DCLK1: variants seen among roughly 807,000 people sequenced by gnomAD.
The protein encoded by DCLK1 is doublecortin like kinase 1.
In DCLK1, 16 loss-of-function variants were observed where a neutral mutation model predicts 86.2. That is an observed-to-expected ratio of 0.19 (90% CI 0.13 to 0.28). DCLK1 has a LOEUF of 0.28. Among genes scored for constraint, DCLK1 ranks in the 10% least tolerant of loss-of-function variants. DCLK1 has a pLI of 1.00. For missense variants in DCLK1, 590 were observed against 940.2 expected (o/e 0.63, Z 4.87); for synonymous variants, 369 against 370.5 (o/e 1.00, Z 0.05).
intron 1 of DCLK1, among the ~76,000 whole-genome samples, chr13:36,130,712 G>A (rs1349728655): frequency 6.6e-6 from 1 of 151,854 alleles, no homozygotes; most frequent in Non-Finnish European, 1.5e-5. Context: ...ACAATAAGAG[G>A]CCGGGCCCGG....
At chr13:36,073,374 ATC>A (rs1884050535) in intron 3 of DCLK1, among the ~76,000 whole-genome samples, 1 of 152,180 alleles carries the variant, frequency 6.6e-6, no homozygotes, top group Admixed American at 6.5e-5. Context: ...CACATAGGCT[ATC>A]TCACTCCCAT....
intron 2 of DCLK1, among the ~76,000 whole-genome samples, chr13:36,125,289 G>T (rs1279614971): frequency 6.6e-6 from 1 of 152,118 alleles, no homozygotes; most frequent in East Asian, 1.9e-4. Context: ...CATGTCATTT[G>T]AATTTTCTGG....
chr13:35,822,774 A>G lies in DCLK1; in HGVS notation c.1509T>C (p.His503=). 1 of 1,613,998 alleles carries G rather than the reference A, an allele frequency of 6.2e-7. No individual in the cohort carries two copies. Among genetic ancestry groups the G allele is most frequent in the Non-Finnish European group, 8.5e-7 (1 of 1,179,978 alleles). Residue 503 remains histidine (H), a synonymous_variant, in exon 11 of 17, where the codon CAT becomes CAC. Transcript: ENST00000360631. ...TATCACGGTGGACGATGTTCAGGCT[A>G]TGCAGGTATTTGATGGCGCTGGCTA... ...YNLASAIKYL[H]SLNIVHRDIK...
chr13:35,822,668 A>T, intron 11 of DCLK1, 61 bp downstream of exon 11: 805 of 1,182,602 alleles, frequency 6.8e-4, no homozygotes, highest in Non-Finnish European at 9.4e-4. Context: ...AAAAAGAAAT[A>T]TTCATATTCC....
intron 3 of DCLK1, among the ~76,000 whole-genome samples, chr13:36,060,627 C>T (rs537348723): frequency 6.6e-6 from 1 of 152,208 alleles, no homozygotes; most frequent in South Asian, 2.1e-4. Context: ...TCAGTATGCA[C>T]TCTGCAAGTG....
intron 4 of DCLK1, among the ~76,000 whole-genome samples, chr13:35,880,281 G>A (rs1485474476): frequency 6.6e-6 from 1 of 152,200 alleles, no homozygotes; most frequent in Non-Finnish European, 1.5e-5. Flanking sequence ...AGAGTCTGGA[G>A]GATAAAGAAT....
chr13:36,115,318 GAATTT>G (rs1427629172), intron 2 of DCLK1, among the ~76,000 whole-genome samples: 1 of 126,214 alleles, frequency 7.9e-6, no homozygotes, highest in Non-Finnish European at 1.6e-5. Flanking sequence ...AAATAAAAGT[GAATTT>G]ATCTTAAACA....
At chr13:35,951,307 ATGG>A (rs2153134309) in intron 3 of DCLK1, among the ~76,000 whole-genome samples, 1 of 151,468 alleles carries the variant, frequency 6.6e-6, no homozygotes, top group Admixed American at 6.6e-5. Context: ...GGATGGATGG[ATGG>A]ATGGATGATA....
chr13:35,874,759 G>C (rs1298040275), intron 4 of DCLK1, among the ~76,000 whole-genome samples: 1 of 152,222 alleles, frequency 6.6e-6, no homozygotes, highest in Admixed American at 6.5e-5. Context: ...CAAGGTGTCC[G>C]TGGAGATTTT....
intron 5 of DCLK1, among the ~76,000 whole-genome samples, chr13:35,861,177 T>C (rs910779764): frequency 2.6e-5 from 4 of 152,036 alleles, no homozygotes; most frequent in Non-Finnish European, 4.4e-5. Context: ...ATAGGGAGAA[T>C]GGTGACCCAC....
intron 2 of DCLK1, among the ~76,000 whole-genome samples, chr13:36,118,461 A>C (rs1414774907): frequency 6.6e-6 from 1 of 152,144 alleles, no homozygotes; most frequent in Non-Finnish European, 1.5e-5. Flanking sequence ...CTTTGGGCCT[A>C]CTTCCCATAC....
chr13:35,958,192 CCACCACCACCATTATAACCAT>C (rs1210291023), intron 3 of DCLK1, among the ~76,000 whole-genome samples: 1 of 151,312 alleles, frequency 6.6e-6, no homozygotes, highest in African/African-American at 2.4e-5. Context: ...ACCACCACTA[CCACCACCACCATTATAACCAT>C]CACCACCACC....
chr13:35,984,771 C>T (rs1044106449), intron 3 of DCLK1, among the ~76,000 whole-genome samples: 1 of 152,130 alleles, frequency 6.6e-6, no homozygotes, highest in Non-Finnish European at 1.5e-5. Context: ...GGTATCACCT[C>T]TCTTCACTAC....
chr13:36,011,831 A>G (rs1881285759), intron 3 of DCLK1, among the ~76,000 whole-genome samples: 1 of 149,462 alleles, frequency 6.7e-6, no homozygotes, highest in South Asian at 2.1e-4. Context: ...GTGGGGTGTT[A>G]AAGTCTCCCA....
intron 3 of DCLK1, among the ~76,000 whole-genome samples, chr13:36,063,666 G>A (rs576734362): frequency 1.3e-5 from 2 of 152,196 alleles, no homozygotes; most frequent in Non-Finnish European, 2.9e-5. Context: ...CAGAATAGGA[G>A]AATTTGTTTC....
chr13:35,973,044 G>A (rs1879146964), intron 3 of DCLK1, among the ~76,000 whole-genome samples: 1 of 152,168 alleles, frequency 6.6e-6, no homozygotes, highest in Non-Finnish European at 1.5e-5. Flanking sequence ...GGGGCCCACA[G>A]CAGAGGAGCT....
chr13:36,059,946 AC>A (rs1408016795), intron 3 of DCLK1, among the ~76,000 whole-genome samples: 1 of 149,010 alleles, frequency 6.7e-6, no homozygotes, highest in Non-Finnish European at 1.5e-5. Flanking sequence ...ATCTCAGCTC[AC>A]TGCAACCTCC....
intron 4 of DCLK1, among the ~76,000 whole-genome samples, chr13:35,888,277 A>G (rs1405008436): frequency 6.6e-6 from 1 of 152,206 alleles, no homozygotes; most frequent in Non-Finnish European, 1.5e-5. Flanking sequence ...TTCATGAACA[A>G]TTTATCTATT....
intron 5 of DCLK1, among the ~76,000 whole-genome samples, chr13:35,859,596 G>T (rs950990255): frequency 6.6e-6 from 1 of 152,166 alleles, no homozygotes; most frequent in African/African-American, 2.4e-5. Flanking sequence ...ACAGCGCATT[G>T]TTGAATAATA....
Sources: gnomAD v4.1 joint callset for allele counts (sites outside exome capture counted in the v4.1 genomes callset) on GRCh38, gnomAD v4.1.1 for gene constraint, MANE v1.5 for transcripts, NCBI Gene and HGNC (gene_info 2026-07-23, HGNC 2026-07-21) for gene names.